The following ZSCAN12 variants were observed in gnomAD, a reference collection of about 807,000 sequenced individuals.
The protein encoded by ZSCAN12 is zinc finger and SCAN domain containing 12.
A neutral mutation model predicts 23.4 loss-of-function variants in ZSCAN12; 18 were observed. The observed-to-expected ratio is 0.77, with a 90% CI of 0.53 to 1.14. The LOEUF (loss-of-function observed/expected upper bound fraction) is 1.14. ZSCAN12 is among the 50% of genes most tolerant of loss of function. The pLI, the probability that ZSCAN12 is intolerant of heterozygous loss-of-function variation, is 0.00. For missense variants in ZSCAN12, 650 were observed against 735.0 expected, an observed-to-expected ratio of 0.88 and a Z score of 1.34; for synonymous variants, 186 against 253.4, an observed-to-expected ratio of 0.73 and a Z score of 2.53.
In ZSCAN12 at chr6:28,390,507, C is replaced by T; in HGVS notation, c.1783G>A (p.Ala595Thr). The change falls in exon 4 of 4, where the codon GCT becomes ACT. Residue 595 changes from alanine to threonine, a missense_variant. Coordinates refer to ENST00000684592, the MANE Select transcript of ZSCAN12 (RefSeq NM_001163391.2). ...ECGKSFRQNS[A>T]LTQHQTIHKG... ...TGGATAGTCTGATGTTGAGTAAGAG[C>T]TGAGTTCTGCCTGAATGATTTCCCA... is the stretch of plus-strand genomic sequence containing the variant. 6 of 1,551,674 alleles carry T rather than the reference C, an allele frequency of 3.9e-6. No homozygotes were observed. The highest frequency in any genetic ancestry group is 5.2e-6 in the Non-Finnish European group (6 of 1,147,564).
intron 2 of ZSCAN12, among the ~76,000 whole-genome samples, chr6:28,395,401 AC>A (rs1261077828): frequency 2.0e-5 from 3 of 152,114 alleles, no homozygotes; most frequent in African/African-American, 4.8e-5. Context: ...ATAAAAACAA[AC>A]CCTGTCAAGC....
chr6:28,388,944 G>T lies in ZSCAN12; in HGVS notation c.*1510C>A, dbSNP rs1006821443. Among the ~76,000 whole-genome samples, 13 of 152,286 alleles carry T rather than the reference G, an allele frequency of 8.5e-5. No individual in the cohort carries two copies. The highest frequency in any genetic ancestry group is 2.9e-4 in the African/African-American group (12 of 41,554). On this transcript the variant is annotated 3_prime_UTR_variant, in exon 4 of 4. Coordinates refer to ENST00000684592, the MANE Select transcript of ZSCAN12 (RefSeq NM_001163391.2). ...ATCTGTTGTCCACTAAAATAATCAA[G>T]ACAGGTTCTCATCCAAAGCAGAATT...
downstream of ZSCAN12, chr6:28,381,881 A>G (rs183756677): frequency 1.3e-5 from 2 of 152,348 alleles, no homozygotes; most frequent in African/African-American, 2.4e-5. Flanking sequence ...CTAAATCCTA[A>G]GTTAAAACAC....
Position 28,391,274 on chromosome 6 carries a change from A to G in ZSCAN12, c.1016T>C (p.Phe339Ser), listed in dbSNP as rs1464518788. 2 of 1,551,988 alleles carry G rather than the reference A, an allele frequency of 1.3e-6. No individual in the cohort carries two copies. The highest frequency in any genetic ancestry group is 2.4e-5 in the East Asian group (1 of 40,934). ...TTGGTTAAGAGCTGACCACCGGCCA[A>G]AGGCTTTGCCACATTCATTACACTT... ...PYKCNECGKA[F>S]GRWSALNQHQ... Residue 339 changes from phenylalanine to serine, a missense_variant, in exon 4 of 4, where the codon TTT (phenylalanine) becomes TCT (serine). Transcript: ENST00000684592. The surrounding 1 kb of genome is among the most constrained non-coding windows in gnomAD (Gnocchi z 4.1).
At chr6:28,397,650 C>T (rs1035740778) in intron 2 of ZSCAN12, among the ~76,000 whole-genome samples, 1 of 152,124 alleles carries the variant, frequency 6.6e-6, no homozygotes, top group Non-Finnish European at 1.5e-5. Flanking sequence ...TCTGCAAAAC[C>T]TTAATTCTTA....
At chr6:28,393,422 A>G (rs1423693093) in intron 2 of ZSCAN12, among the ~76,000 whole-genome samples, 1 of 151,834 alleles carries the variant, frequency 6.6e-6, no homozygotes, top group East Asian at 1.9e-4. Context: ...TTAAGAGAGA[A>G]AGAGGAAAAG....
chr6:28,390,760 T>C lies in ZSCAN12; in HGVS notation c.1530A>G (p.Ser510=). The C allele has an allele frequency of 6.2e-7, 1 of 1,609,066 alleles. No individual in the cohort carries two copies. Among genetic ancestry groups the C allele is most frequent in the Non-Finnish European group, 8.5e-7 (1 of 1,177,402 alleles). ...GGATTCTCTGATGTTCCGTGAGGAC[T>C]GATCTTTGAGTAAACGCCTTCCCAC... ...DKCGKAFTQR[S]VLTEHQRIHT... The change falls in exon 4 of 4, where the codon TCA becomes TCG. Residue 510 remains serine (S), a synonymous_variant. Coordinates refer to ENST00000684592, the MANE Select transcript of ZSCAN12 (RefSeq NM_001163391.2).
chr6:28,383,380 AG>A (rs979186219), downstream of ZSCAN12, among the ~76,000 whole-genome samples: 5 of 152,162 alleles, frequency 3.3e-5, no homozygotes, highest in African/African-American at 9.7e-5. Context: ...CCGCCTCCAA[AG>A]GTCCGTCACA....
At chr6:28,381,001 A>G (rs1760206031), downstream of ZSCAN12, 1 of 152,242 alleles carries the variant, frequency 6.6e-6, no homozygotes, top group African/African-American at 2.4e-5. Context: ...GTCTCTAAAC[A>G]AGCATCTCAT....
At chr6:28,382,850 A>C (rs1436909903), downstream of ZSCAN12, among the ~76,000 whole-genome samples, 1 of 152,090 alleles carries the variant, frequency 6.6e-6, no homozygotes, top group Non-Finnish European at 1.5e-5. Flanking sequence ...GCTCCCCCCC[A>C]CTTCAAAATA....
Position 28,384,912 on chromosome 6 carries a change from A to G in ZSCAN12, c.*5542T>C, listed in dbSNP as rs1246773715. The stretch of plus-strand genomic sequence containing the variant: ...ATATAACTTTTCGGTTTAAAGGATA[A>G]AAGTTGGGAAGAGATTCAATTAAAG... On this transcript the variant is annotated 3_prime_UTR_variant, in exon 4 of 4. Coordinates refer to ENST00000684592, the MANE Select transcript of ZSCAN12 (RefSeq NM_001163391.2). Among the ~76,000 whole-genome samples the G allele has an allele frequency of 6.6e-6, 1 of 152,210 alleles. No individual in the cohort carries two copies. Among genetic ancestry groups the G allele is most frequent in the Non-Finnish European group, 1.5e-5 (1 of 68,038 alleles).
rs1467782207 is a variant in ZSCAN12 at position 28,398,304 on chromosome 6, C to T, written c.102G>A (p.Leu34=). The T allele has an allele frequency of 1.3e-6, 2 of 1,584,632 alleles. No homozygotes were observed. The highest frequency in any genetic ancestry group is 1.3e-5 in the African/African-American group (1 of 74,178). Residue 34 remains leucine (L), a synonymous_variant, in exon 2 of 4, where the codon CTG becomes CTA. Transcript: ENST00000684592. Reference sequence around the variant, plus strand: ...CTCTGCTATGGGTGTTGTTTTTACGCAGGTCCCAATCCTGTCTGGTGGTAT... The same window carrying T: ...CTCTGCTATGGGTGTTGTTTTTACGTAGGTCCCAATCCTGTCTGGTGGTAT... ...EKYTTRQDWD[L]RKNNTHSREV...
At position 28,387,360 on chromosome 6, in the gene ZSCAN12, C is replaced by T. The variant is rs1314490683; in HGVS notation, c.*3094G>A. Among the ~76,000 whole-genome samples the T allele has an allele frequency of 6.6e-6, 1 of 152,140 alleles. No individual in the cohort carries two copies. Among genetic ancestry groups the T allele is most frequent in the Non-Finnish European group, 1.5e-5 (1 of 68,032 alleles). On this transcript the variant is annotated 3_prime_UTR_variant, in exon 4 of 4. Transcript: ENST00000684592. The stretch of plus-strand genomic sequence containing the variant: ...GGAGTAGAAGGCAAGTTTAAAACAA[C>T]GATTGCATTCCAGCGAGCAGTCAGA...
rs1349818991 is a variant in ZSCAN12 at position 28,385,293 on chromosome 6, C to A, written c.*5161G>T. Among the ~76,000 whole-genome samples the A allele has an allele frequency of 6.6e-6, 1 of 152,048 alleles. No homozygotes were observed. The highest frequency in any genetic ancestry group is 1.5e-5 in the Non-Finnish European group (1 of 68,014). The stretch of plus-strand genomic sequence containing the variant: ...GGGTGATCTTTTCATATAAAGAGCC[C>A]ATTTTTAAAGTGGAATGTCTCCTGT... On this transcript the variant is annotated 3_prime_UTR_variant, in exon 4 of 4. Transcript: ENST00000684592.
In ZSCAN12 at chr6:28,387,620, C is replaced by G. The variant is rs562583110; in HGVS notation, c.*2834G>C. Among the ~76,000 whole-genome samples the G allele has an allele frequency of 1.6e-4, 24 of 152,308 alleles. No individual in the cohort carries two copies. The South Asian group carries it at 4.6e-3, about 29-fold the overall frequency. On this transcript the variant is annotated 3_prime_UTR_variant, in exon 4 of 4. Transcript: ENST00000684592. ...GTTTAAGGACCCTTTACCTATTCCT[C>G]CATGTAGGCTAATTTTAGAGCAGAG...
intron 2 of ZSCAN12, 102 bp from the exon 3 acceptor site, chr6:28,393,148 A>C: frequency 7.8e-7 from 1 of 1,275,996 alleles, no homozygotes; most frequent in South Asian, 1.5e-5. Flanking sequence ...CCTTTTTCCC[A>C]GATATAAGCC....
At chr6:28,382,411 G>A (rs1199044147), downstream of ZSCAN12, 2 of 1,494,300 alleles carry the variant, frequency 1.3e-6, no homozygotes, top group East Asian at 2.5e-5. Context: ...TTTAAAGTTT[G>A]AGGAAAGACC....
Position 28,391,949 on chromosome 6 carries a change from C to G in ZSCAN12, c.548-207G>C, listed in dbSNP as rs532722809. Among the ~76,000 whole-genome samples the G allele has an allele frequency of 6.6e-6, 1 of 152,038 alleles. No individual in the cohort carries two copies. Among genetic ancestry groups the G allele is most frequent in the Non-Finnish European group, 1.5e-5 (1 of 68,024 alleles). On this transcript the variant is annotated intron_variant, in intron 3 of 3. Coordinates refer to ENST00000684592, the MANE Select transcript of ZSCAN12 (RefSeq NM_001163391.2). This position sits in a 1 kb window ranked among gnomAD's most constrained non-coding sequence, Gnocchi z 4.1. Reference sequence around the variant, plus strand: ...ACGAAAAATTAGTAACAGTTACAACCTATTTCAGAGTAGGAGGAAGAGACT... The same window carrying G: ...ACGAAAAATTAGTAACAGTTACAACGTATTTCAGAGTAGGAGGAAGAGACT...
At chr6:28,394,001 T>C (rs1760990388) in intron 2 of ZSCAN12, among the ~76,000 whole-genome samples, 1 of 152,190 alleles carries the variant, frequency 6.6e-6, no homozygotes. Flanking sequence ...CTTAGGATGA[T>C]GTCTTCTCTT....
Sources: gnomAD v4.1 joint callset for allele counts (sites outside exome capture counted in the v4.1 genomes callset) on GRCh38, gnomAD v4.1.1 for gene constraint, Gnocchi (gnomAD v3.1) non-coding constraint, MANE v1.5 for transcripts, NCBI Gene and HGNC (gene_info 2026-07-23, HGNC 2026-07-21) for gene names.